The following ANKRD44 variants were observed in gnomAD, a reference collection of about 807,000 sequenced individuals.
ANKRD44 encodes the protein ankyrin repeat domain 44.
Under a neutral mutation model 116.0 loss-of-function variants are expected in ANKRD44, and 35 were observed. That is an observed-to-expected ratio of 0.30 (90% CI 0.23 to 0.40). The LOEUF is 0.40. Ranked by LOEUF, ANKRD44 falls within the 10% of genes least tolerant of loss-of-function variation. The pLI, the probability that ANKRD44 is intolerant of heterozygous loss-of-function variation, is 1.00. For missense variants in ANKRD44, 1,014 were observed against 1,242.6 expected (o/e 0.82, Z 2.77); for synonymous variants, 435 against 461.8 (o/e 0.94, Z 0.74).
chr2:197,167,703 A>G (rs1376992853), intron 2 of ANKRD44, among the ~76,000 whole-genome samples: 2 of 152,238 alleles, frequency 1.3e-5, no homozygotes, highest in African/African-American at 2.4e-5. Flanking sequence ...ATAAGCATGA[A>G]CTATACTTGG....
intron 1 of ANKRD44, among the ~76,000 whole-genome samples, chr2:197,232,378 C>T (rs2081885512): frequency 6.6e-6 from 1 of 152,138 alleles, no homozygotes; most frequent in African/African-American, 2.4e-5. Context: ...TCTGTCCATT[C>T]AAGAGAAGAA....
intron 17 of ANKRD44, among the ~76,000 whole-genome samples, chr2:197,016,960 G>A (rs959760335): frequency 6.6e-6 from 1 of 152,030 alleles, no homozygotes; most frequent in Non-Finnish European, 1.5e-5. Context: ...GCATGAAAAG[G>A]CAACTCACAG....
At chr2:197,043,619 T>C (rs1366042505) in intron 16 of ANKRD44, among the ~76,000 whole-genome samples, 1 of 152,182 alleles carries the variant, frequency 6.6e-6, no homozygotes, top group Non-Finnish European at 1.5e-5. Flanking sequence ...GCATCAAATA[T>C]GTTAAGCATG....
In ANKRD44 at chr2:197,179,499, T is replaced by A. The variant is rs190639957; in HGVS notation, c.111+7524A>T. Reference sequence around the variant, plus strand: ...AAGAAAGGGCCATATCCTTTATGTTTACATGCTCAAACTACTTACAAAGTA... The same window carrying A: ...AAGAAAGGGCCATATCCTTTATGTTAACATGCTCAAACTACTTACAAAGTA... On this transcript the variant is annotated intron_variant, in intron 2 of 27. Coordinates refer to ENST00000282272, the MANE Select transcript of ANKRD44 (RefSeq NM_001195144.2). Among the ~76,000 whole-genome samples the A allele has an allele frequency of 2.0e-5, 3 of 152,376 alleles. No individual in the cohort carries two copies. The East Asian group carries it at 5.8e-4, about 29-fold the overall frequency.
chr2:197,263,882 T>G (rs2082674666), intron 1 of ANKRD44, among the ~76,000 whole-genome samples: 1 of 152,186 alleles, frequency 6.6e-6, no homozygotes. Context: ...CCAGCCTGCC[T>G]TGTAGAAAAT....
intron 3 of ANKRD44, among the ~76,000 whole-genome samples, chr2:197,146,767 A>G (rs1362867674): frequency 2.0e-5 from 3 of 151,566 alleles, no homozygotes; most frequent in African/African-American, 7.3e-5. Flanking sequence ...AATGTACTGA[A>G]TTCATCTACA....
At chr2:197,224,533 A>G (rs996709932) in intron 1 of ANKRD44, among the ~76,000 whole-genome samples, 1 of 152,200 alleles carries the variant, frequency 6.6e-6, no homozygotes, top group Non-Finnish European at 1.5e-5. Flanking sequence ...TTAAAAGCAG[A>G]TATCTAGAGA....
At chr2:197,018,235 T>C (rs1307837335) in intron 17 of ANKRD44, among the ~76,000 whole-genome samples, 1 of 152,172 alleles carries the variant, frequency 6.6e-6, no homozygotes, top group Non-Finnish European at 1.5e-5. Context: ...TGCTTAAAAC[T>C]AGCCTATGAC....
In ANKRD44 at chr2:197,212,235, A is replaced by ACACTGG. The variant is rs1401350549; in HGVS notation, c.28-25135_28-25130dup. Among the ~76,000 whole-genome samples, 2 of 152,214 alleles carry ACACTGG rather than the reference A, an allele frequency of 1.3e-5. No individual in the cohort carries two copies. Among genetic ancestry groups the ACACTGG allele is most frequent in the Admixed American group, 1.3e-4 (2 of 15,282 alleles). On this transcript the variant is annotated intron_variant, in intron 1 of 27. Coordinates refer to ENST00000282272, the MANE Select transcript of ANKRD44 (RefSeq NM_001195144.2). This position sits in a 1 kb window ranked among gnomAD's most constrained non-coding sequence, Gnocchi z 4.8. Reference sequence around the variant, plus strand: ...AGGCAGATAGGGATCCAGTGGGAGCACACTGGCACCAAACACGAAAGTCAT... The same window carrying ACACTGG: ...AGGCAGATAGGGATCCAGTGGGAGCACACTGGCACTGGCACCAAACACGAAAGTCAT...
intron 18 of ANKRD44, among the ~76,000 whole-genome samples, chr2:197,010,430 C>A (rs991953237): frequency 6.6e-6 from 1 of 152,128 alleles, no homozygotes; most frequent in South Asian, 2.1e-4. Context: ...CCTCGCCCAG[C>A]GGACCGAGTG....
intron 1 of ANKRD44, among the ~76,000 whole-genome samples, chr2:197,269,394 CA>C (rs2082834605): frequency 2.0e-5 from 3 of 152,326 alleles, no homozygotes; most frequent in African/African-American, 7.2e-5. Flanking sequence ...GTAACTACTG[CA>C]ATCACACCTC....
chr2:197,133,730 T>G (rs1293338243), intron 4 of ANKRD44, among the ~76,000 whole-genome samples: 1 of 152,154 alleles, frequency 6.6e-6, no homozygotes, highest in Non-Finnish European at 1.5e-5. Flanking sequence ...TTCTCTTTTC[T>G]TCCCCTCAAA....
At chr2:196,980,481 A>AT (rs964452778) in intron 21 of ANKRD44, among the ~76,000 whole-genome samples, 2 of 152,178 alleles carry the variant, frequency 1.3e-5, no homozygotes, top group Non-Finnish European at 2.9e-5. Flanking sequence ...TAAAATTGAG[A>AT]TTTTTCAGGA....
intron 16 of ANKRD44, among the ~76,000 whole-genome samples, chr2:197,035,097 C>A (rs139546317): frequency 3.9e-5 from 6 of 152,274 alleles, no homozygotes; most frequent in Non-Finnish European, 8.8e-5. Context: ...TAAATTTAAG[C>A]CTCTTCTACA....
At chr2:197,061,959 T>G (rs1467689693) in intron 16 of ANKRD44, among the ~76,000 whole-genome samples, 2 of 152,198 alleles carry the variant, frequency 1.3e-5, no homozygotes, top group African/African-American at 4.8e-5. Flanking sequence ...TTTTGTATTT[T>G]TAGTAGAGAT....
At chr2:197,132,959 G>A (rs1377966219) in intron 4 of ANKRD44, among the ~76,000 whole-genome samples, 3 of 152,312 alleles carry the variant, frequency 2.0e-5, no homozygotes, top group Middle Eastern at 6.8e-3. Flanking sequence ...AGTTGGCTGA[G>A]TTGAACTAAA....
At chr2:197,146,284 T>C (rs1479521820) in intron 3 of ANKRD44, among the ~76,000 whole-genome samples, 1 of 152,234 alleles carries the variant, frequency 6.6e-6, no homozygotes, top group Non-Finnish European at 1.5e-5. Context: ...AGACATTTTT[T>C]ACTTAACCTG....
chr2:197,059,654 C>T (rs1371796374), intron 16 of ANKRD44, among the ~76,000 whole-genome samples: 6 of 152,286 alleles, frequency 3.9e-5, no homozygotes, highest in Middle Eastern at 6.8e-3. Context: ...TTCAGATATG[C>T]GCCTGCCTCA....
intron 21 of ANKRD44, among the ~76,000 whole-genome samples, chr2:197,004,868 G>C (rs930075069): frequency 6.6e-6 from 1 of 151,920 alleles, no homozygotes; most frequent in African/African-American, 2.4e-5. Context: ...ACAGAAACCT[G>C]GTTGAATAAA....
Sources: gnomAD v4.1 joint callset for allele counts (sites outside exome capture counted in the v4.1 genomes callset) on GRCh38, gnomAD v4.1.1 for gene constraint, Gnocchi (gnomAD v3.1) non-coding constraint, MANE v1.5 for transcripts, NCBI Gene and HGNC (gene_info 2026-07-23, HGNC 2026-07-21) for gene names.